RNF32: variants seen among roughly 807,000 people sequenced by gnomAD.
The protein encoded by RNF32 is ring finger protein 32.
A neutral mutation model predicts 41.0 loss-of-function variants in RNF32; 36 were observed. The ratio of observed to expected loss-of-function variants is 0.88; its 90% confidence interval spans 0.67 to 1.16. The LOEUF is 1.16. RNF32 is among the 50% of genes most tolerant of loss of function. The pLI is 0.00. For synonymous variants in RNF32, 154 were observed against 160.9 expected, an observed-to-expected ratio of 0.96 and a Z score of 0.32; for missense variants, 413 against 436.7, an observed-to-expected ratio of 0.95 and a Z score of 0.48.
intron 3 of RNF32, among the ~76,000 whole-genome samples, chr7:156,647,523 T>G (rs1048905048): frequency 1.3e-5 from 2 of 152,226 alleles, no homozygotes; most frequent in Admixed American, 1.3e-4. Context: ...CATTCTTTTT[T>G]GTGGCTGAGT....
At chr7:156,661,889 ATTCAAGT>A (rs1191349344) in intron 7 of RNF32, among the ~76,000 whole-genome samples, 3 of 152,216 alleles carry the variant, frequency 2.0e-5, no homozygotes, top group African/African-American at 4.8e-5. Context: ...ATCTTACCTC[ATTCAAGT>A]TTCAAGTGTG....
intron 5 of RNF32, 128 bp downstream of exon 5, chr7:156,657,701 A>T: frequency 1.1e-6 from 1 of 880,240 alleles, no homozygotes; most frequent in Non-Finnish European, 1.9e-6. Flanking sequence ...TCTATAGTTA[A>T]AGAAACATGA....
Position 156,644,768 on chromosome 7 carries a change from G to C in RNF32, c.274+11G>C. ...CGCCGTTGACTTTGGGTAAGCTGAC[G>C]TAGTCATTCATCTTTTGGCTTATTA... On this transcript the variant is annotated intron_variant, in intron 3 of 8. Coordinates refer to ENST00000317955, the MANE Select transcript of RNF32 (RefSeq NM_030936.4). 1 of 1,593,200 alleles carries C rather than the reference G, an allele frequency of 6.3e-7. No homozygotes were observed.
rs143033981 is a variant in RNF32 at position 156,672,916 on chromosome 7, C to A, written c.685-2780C>A. On this transcript the variant is annotated intron_variant, in intron 7 of 8. Coordinates refer to ENST00000317955, the MANE Select transcript of RNF32 (RefSeq NM_030936.4). ...ACTTCTATGACCGTGGTTCTTAAAC[C>A]TGAATGGGCCTCAGAATCACCTGGA... is the stretch of plus-strand genomic sequence containing the variant. Among the ~76,000 whole-genome samples, 475 of 152,288 alleles carry A rather than the reference C, an allele frequency of 3.1e-3. 6 individuals carry two copies. The highest frequency in any genetic ancestry group is 0.011 in the African/African-American group (454 of 41,560).
intron 7 of RNF32, among the ~76,000 whole-genome samples, chr7:156,674,850 G>C (rs888191565): frequency 1.3e-5 from 2 of 152,198 alleles, no homozygotes; most frequent in African/African-American, 2.4e-5. Flanking sequence ...CTCACAGTAT[G>C]TTTCTATGGG....
intron 7 of RNF32, among the ~76,000 whole-genome samples, chr7:156,675,298 G>A (rs771122017): frequency 2.6e-5 from 4 of 152,334 alleles, no homozygotes; most frequent in Admixed American, 1.3e-4. Flanking sequence ...GTCTCCTCCC[G>A]GCTCCCTCCG....
intron 7 of RNF32, among the ~76,000 whole-genome samples, chr7:156,666,358 TGAC>T (rs1287966391): frequency 1.3e-5 from 2 of 152,210 alleles, no homozygotes; most frequent in Non-Finnish European, 2.9e-5. Flanking sequence ...TTGGGTGTGT[TGAC>T]GAGTGAAAAG....
At position 156,668,157 on chromosome 7, in the gene RNF32, A is replaced by C. The variant is rs148781862; in HGVS notation, c.685-7539A>C. 1.1e-3 allele frequency among the ~76,000 whole-genome samples: 172 copies of C among 152,318 alleles called. No individual in the cohort carries two copies. In the East Asian group the frequency reaches 0.029, roughly 26 times the overall value. On this transcript the variant is annotated intron_variant, in intron 7 of 8. Coordinates refer to ENST00000317955, the MANE Select transcript of RNF32 (RefSeq NM_030936.4). Reference sequence around the variant, plus strand: ...GAATCTAAGGCACTCATTCAAGGAGATAAGCAGTGCACACAGGAAAAAGTT... The same window carrying C: ...GAATCTAAGGCACTCATTCAAGGAGCTAAGCAGTGCACACAGGAAAAAGTT...
upstream of RNF32, chr7:156,640,575 G>A (rs751021655): frequency 5.7e-5 from 23 of 404,334 alleles, no homozygotes; most frequent in South Asian, 2.8e-4. Context: ...GGCGGGGGCC[G>A]GCGAGCATGC....
chr7:156,667,900 G>A (rs1256681971), intron 7 of RNF32, among the ~76,000 whole-genome samples: 1 of 152,158 alleles, frequency 6.6e-6, no homozygotes, highest in African/African-American at 2.4e-5. Context: ...TCAATGTTAT[G>A]ATTATAAGCT....
At chr7:156,657,508 A>G (rs1170177529) in intron 4 of RNF32, 33 bp from the exon 5 acceptor site, 1 of 1,612,560 alleles carries the variant, frequency 6.2e-7, no homozygotes, top group Non-Finnish European at 8.5e-7. Context: ...CTCTTTTGTA[A>G]ACTTCAACGT....
chr7:156,661,073 C>T (rs888222369), intron 7 of RNF32, among the ~76,000 whole-genome samples: 8 of 152,196 alleles, frequency 5.3e-5, no homozygotes, highest in African/African-American at 1.2e-4. Context: ...TGATGGCCTG[C>T]GGCATGACTG....
chr7:156,647,428 T>TA (rs1427485462), intron 3 of RNF32, among the ~76,000 whole-genome samples: 1 of 152,172 alleles, frequency 6.6e-6, no homozygotes, highest in Non-Finnish European at 1.5e-5. Context: ...AGCTTCCACT[T>TA]ATAAGTGAGA....
chr7:156,657,495 C>A (rs761297635), intron 4 of RNF32, 46 bp from the exon 5 acceptor site: 1 of 1,598,282 alleles, frequency 6.3e-7, no homozygotes, highest in South Asian at 1.1e-5. Context: ...ATACATGCTG[C>A]TTCTCTTTTG....
In RNF32 at chr7:156,658,169, C is replaced by T; in HGVS notation, c.492C>T (p.Thr164=). Residue 164 remains threonine, a synonymous_variant, in exon 6 of 9, where the codon ACC becomes ACT. Transcript: ENST00000317955. ...QAFEKFTNKK[T]CPLCRKNQYQ... ...TTGAAAAGTTCACAAATAAGAAAAC[C>T]TGTCCTCTCTGTAGAAAGAACCAGT... The T allele has an allele frequency of 1.9e-6, 3 of 1,614,060 alleles. No homozygotes were observed. Among genetic ancestry groups the T allele is most frequent in the Non-Finnish European group, 2.5e-6 (3 of 1,179,932 alleles).
chr7:156,646,728 T>C lies in RNF32; in HGVS notation c.274+1971T>C, dbSNP rs1798010552. Among the ~76,000 whole-genome samples, 3 of 152,258 alleles carry C rather than the reference T, an allele frequency of 2.0e-5. No homozygotes were observed. The South Asian group carries it at 6.2e-4, about 31-fold the overall frequency. ...ATCAAGCTAAGTACTTTTCATACTTTGTTCCTTATCCACTACTCACATATA... is the reference window on the plus strand; with the variant it reads ...ATCAAGCTAAGTACTTTTCATACTTCGTTCCTTATCCACTACTCACATATA... On this transcript the variant is annotated intron_variant, in intron 3 of 8. Coordinates refer to ENST00000317955, the MANE Select transcript of RNF32 (RefSeq NM_030936.4).
intron 7 of RNF32, chr7:156,659,962 C>G (rs1212752237): frequency 3.0e-6 from 3 of 985,354 alleles, no homozygotes; most frequent in Non-Finnish European, 3.6e-6. Context: ...GTGTCTCCCA[C>G]AGAGAGATGG....
Position 156,664,935 on chromosome 7 carries a change from CCTTT to C in RNF32, c.684+6366_684+6369del, listed in dbSNP as rs200423460. On this transcript the variant is annotated intron_variant, in intron 7 of 8. Transcript: ENST00000317955. ...AAAAAAGAGAAAATTGAACTGCTTT[CCTTT>C]AAGTACCTATAAAAATTTTAACGTA... Among the ~76,000 whole-genome samples the C allele has an allele frequency of 4.6e-3, 693 of 152,186 alleles. 3 individuals are homozygous for C. Among genetic ancestry groups the C allele is most frequent in the Middle Eastern group, 0.024 (7 of 294 alleles).
intron 1 of RNF32, among the ~76,000 whole-genome samples, chr7:156,642,498 C>T (rs543403169): frequency 6.6e-6 from 1 of 152,384 alleles, no homozygotes; most frequent in African/African-American, 2.4e-5. Flanking sequence ...AGCCACTTCT[C>T]AGCCCGCTGG....
Sources: allele counts gnomAD v4.1 joint callset (sites outside exome capture counted in the v4.1 genomes callset), GRCh38; gene constraint gnomAD v4.1.1; transcripts MANE v1.5; gene names NCBI Gene and HGNC (gene_info 2026-07-23, HGNC 2026-07-21).